Variants in MINDY2 observed in about 807,000 individuals in gnomAD.
MINDY2 encodes ubiquitin carboxyl-terminal hydrolase MINDY-2.
A neutral mutation model predicts 68.2 loss-of-function variants in MINDY2; 52 were observed. The ratio of observed to expected loss-of-function variants is 0.76; its 90% CI spans 0.61 to 0.96. The LOEUF is 0.96. MINDY2 is among the 40% of genes least tolerant of loss of function. The probability of loss-of-function intolerance (pLI) is 0.00; values close to 1 mark genes in which losing one functional copy is unlikely to be tolerated. For synonymous variants in MINDY2, 372 were observed against 303.0 expected (o/e 1.23, Z -2.36); for missense variants, 881 against 773.4 (o/e 1.14, Z -1.65).
In MINDY2 at chr15:58,808,635, C is replaced by T. The variant is rs575209895; in HGVS notation, c.964-1595C>T. 3.9e-5 allele frequency among the ~76,000 whole-genome samples: 6 copies of T among 152,148 alleles called. No homozygotes were observed. In the Middle Eastern group the frequency reaches 0.014, roughly 345 times the overall value. On this transcript the variant is annotated intron_variant, in intron 3 of 8. Transcript: ENST00000559228. ...TTTTTGTTTTTTTGAGACAGAGTCT[C>T]GCCCTGTCGCCCAGGCTGGAGTGCA...
rs1266554295 is a variant in MINDY2, at chr15:58,847,276, C to T, written c.1369-21C>T. On this transcript the variant is annotated intron_variant, in intron 6 of 8. Coordinates refer to ENST00000559228, the MANE Select transcript of MINDY2 (RefSeq NM_001040450.3). ...TTTGATCAATTTAACAGTCCTTTTT[C>T]TTTTGTTACTTCTTATTAAGGGTCA... 10 of 1,518,486 alleles carry T rather than the reference C, an allele frequency of 6.6e-6. No individual in the cohort carries two copies. In the Admixed American group the frequency reaches 9.9e-5, roughly 15 times the overall value. The allele number at this position is 1,518,486 out of a possible 1,614,324, so 94.1% of individuals were successfully genotyped here. A position where few individuals can be genotyped will look rare whatever the true frequency, so the allele number is the denominator to read the frequency against.
rs376603942 is a variant in MINDY2, at chr15:58,851,290, A to G, written c.1543-481A>G. On this transcript the variant is annotated intron_variant, in intron 7 of 8. Transcript: ENST00000559228. ...CACCTGGCCTCCAAAAATATTTAGA[A>G]CAATGACAGAATCACTGAAATAAGT... Among the ~76,000 whole-genome samples, 54 of 152,288 alleles carry G rather than the reference A, an allele frequency of 3.5e-4. 1 individual carries two copies. The East Asian group carries it at 6.6e-3, about 19-fold the overall frequency.
chr15:58,800,572 A>G (rs1437719080), intron 2 of MINDY2, among the ~76,000 whole-genome samples: 1 of 151,528 alleles, frequency 6.6e-6, no homozygotes, highest in Non-Finnish European at 1.5e-5. Flanking sequence ...TCTTTCTTAT[A>G]TGTGCTTTCT....
chr15:58,781,506 A>G (rs2140903514), intron 1 of MINDY2, among the ~76,000 whole-genome samples: 1 of 152,358 alleles, frequency 6.6e-6, no homozygotes. Flanking sequence ...CCTTGGTCTT[A>G]CTCTGAGGAT....
intron 7 of MINDY2, among the ~76,000 whole-genome samples, chr15:58,848,800 T>C (rs1298031541): frequency 2.0e-5 from 3 of 152,244 alleles, no homozygotes; most frequent in Non-Finnish European, 1.5e-5. Context: ...CTAGGACTTT[T>C]CTTTGAAAAA....
chr15:58,834,327 G>C (rs966457581), intron 6 of MINDY2, among the ~76,000 whole-genome samples: 2 of 152,072 alleles, frequency 1.3e-5, no homozygotes, highest in African/African-American at 4.8e-5. Flanking sequence ...TGTTTGGAAA[G>C]GTCTTCTCAT....
intron 6 of MINDY2, among the ~76,000 whole-genome samples, chr15:58,840,571 C>T (rs2032224956): frequency 6.6e-6 from 1 of 151,350 alleles, no homozygotes; most frequent in African/African-American, 2.4e-5. Context: ...TGGTCTTCTA[C>T]AATTAAACTG....
intron 6 of MINDY2, among the ~76,000 whole-genome samples, chr15:58,834,883 G>T (rs2031918019): frequency 6.6e-6 from 1 of 152,168 alleles, no homozygotes; most frequent in Admixed American, 6.5e-5. Flanking sequence ...CAGCTCATTT[G>T]TATAACTTCA....
intron 5 of MINDY2, among the ~76,000 whole-genome samples, chr15:58,828,823 G>A (rs576966951): frequency 5.9e-5 from 9 of 151,862 alleles, no homozygotes; most frequent in Non-Finnish European, 1.2e-4. Flanking sequence ...CCAAAGTGCT[G>A]GGATTACAGG....
intron 4 of MINDY2, among the ~76,000 whole-genome samples, chr15:58,811,167 A>T: frequency 6.6e-6 from 1 of 152,254 alleles, no homozygotes; most frequent in East Asian, 1.9e-4. Context: ...AGGAGCTGGG[A>T]CAAAGGTCAA....
chr15:58,785,135 C>CAAA (rs397719705), intron 1 of MINDY2, among the ~76,000 whole-genome samples: 54 of 68,442 alleles, frequency 7.9e-4, no homozygotes, highest in South Asian at 1.6e-3. Flanking sequence ...TGAAGGAAAG[C>CAAA]AAAAAAAAAA....
chr15:58,850,566 A>T (rs528806787), intron 7 of MINDY2, among the ~76,000 whole-genome samples: 6 of 152,296 alleles, frequency 3.9e-5, no homozygotes, highest in South Asian at 2.1e-4. Context: ...GGAACTTTTT[A>T]AAAAATTCTT....
chr15:58,787,349 A>G (rs1901575991), intron 1 of MINDY2, among the ~76,000 whole-genome samples: 1 of 152,014 alleles, frequency 6.6e-6, no homozygotes, highest in Admixed American at 6.6e-5. Flanking sequence ...TAAACAATAT[A>G]GTTAAATTTT....
chr15:58,818,651 A>ATTT (rs202083877), intron 4 of MINDY2, among the ~76,000 whole-genome samples: 8 of 131,556 alleles, frequency 6.1e-5, no homozygotes, highest in African/African-American at 2.3e-4. Flanking sequence ...TTGTATATTG[A>ATTT]TTTTTTTTTT....
At position 58,854,790 on chromosome 15, in the gene MINDY2, C is replaced by G. The variant is rs192440486; in HGVS notation, c.*180C>G. ...ACTTTTTCAAGTCACACAATACACT[C>G]TTTATGAGCTGGAGTTTCATGTTAC... On this transcript the variant is annotated 3_prime_UTR_variant, in exon 9 of 9. Transcript: ENST00000559228. 177 of 500,672 alleles carry G rather than the reference C, an allele frequency of 3.5e-4. 1 individual carries two copies. The highest frequency in any genetic ancestry group is 2.6e-3 in the Admixed American group (72 of 28,076). 31.0% of individuals were successfully genotyped at this position (500,672 alleles called of 1,614,324 possible).
intron 3 of MINDY2, among the ~76,000 whole-genome samples, chr15:58,804,675 C>CA (rs1902898746): frequency 1.3e-5 from 2 of 151,996 alleles, no homozygotes; most frequent in African/African-American, 4.8e-5. Flanking sequence ...GGCATGGTGG[C>CA]ACACGCCTAT....
intron 2 of MINDY2, among the ~76,000 whole-genome samples, chr15:58,801,447 G>T (rs1327163764): frequency 1.8e-5 from 2 of 111,712 alleles, no homozygotes; most frequent in South Asian, 3.1e-4. Context: ...AAAGAAAAAA[G>T]TATGTACATA....
intron 5 of MINDY2, among the ~76,000 whole-genome samples, chr15:58,828,888 A>T (rs563773084): frequency 6.6e-6 from 1 of 152,242 alleles, no homozygotes; most frequent in South Asian, 2.1e-4. Context: ...ATTTTCAAAT[A>T]TAGTAATCTT....
intron 2 of MINDY2, among the ~76,000 whole-genome samples, chr15:58,797,195 T>C (rs1902339587): frequency 6.6e-6 from 1 of 152,176 alleles, no homozygotes; most frequent in African/African-American, 2.4e-5. Flanking sequence ...ATGTACTAAG[T>C]TAAATAAAAT....
Sources: allele counts gnomAD v4.1 joint callset (sites outside exome capture counted in the v4.1 genomes callset), GRCh38; gene constraint gnomAD v4.1.1; transcripts MANE v1.5; gene names NCBI Gene and HGNC (gene_info 2026-07-23, HGNC 2026-07-21).